The following NT5C3A variants were observed in gnomAD, a reference collection of about 807,000 sequenced individuals.
NT5C3A encodes 5'-nucleotidase, cytosolic IIIA.
Under a neutral mutation model 40.0 loss-of-function variants are expected in NT5C3A, and 23 were observed. That is an observed-to-expected ratio of 0.58 (90% confidence interval 0.41 to 0.81). NT5C3A has a LOEUF of 0.81. Among genes scored for constraint, NT5C3A ranks in the 40% least tolerant of loss-of-function variants. NT5C3A has a pLI of 0.00. For synonymous variants in NT5C3A, 130 were observed against 141.4 expected, an observed-to-expected ratio of 0.92 and a Z score of 0.57; for missense variants, 328 against 403.0, an observed-to-expected ratio of 0.81 and a Z score of 1.59.
At chr7:33,023,467 C>A (rs1251272237) in intron 3 of NT5C3A, among the ~76,000 whole-genome samples, 1 of 152,102 alleles carries the variant, frequency 6.6e-6, no homozygotes, top group Non-Finnish European at 1.5e-5. Flanking sequence ...TCATTTTGGT[C>A]AGGCTGGTCT....
intron 1 of NT5C3A, among the ~76,000 whole-genome samples, chr7:33,035,350 T>C (rs543322790): frequency 6.6e-6 from 1 of 152,068 alleles, no homozygotes. Flanking sequence ...CTTGTTACCA[T>C]GCCCGGCTAA....
At chr7:33,035,658 T>G (rs1290583622) in intron 1 of NT5C3A, among the ~76,000 whole-genome samples, 2 of 152,238 alleles carry the variant, frequency 1.3e-5, no homozygotes, top group African/African-American at 4.8e-5. Flanking sequence ...ACGATTTAAG[T>G]GTGTTATTGC....
intron 1 of NT5C3A, among the ~76,000 whole-genome samples, chr7:33,045,628 T>C (rs570997911): frequency 2.0e-5 from 3 of 151,614 alleles, no homozygotes; most frequent in Non-Finnish European, 4.4e-5. Flanking sequence ...CCTGGCTAAT[T>C]TTTGTATTTT....
intron 6 of NT5C3A, 113 bp from the exon 7 acceptor site, chr7:33,017,714 C>T (rs2127993680): frequency 1.2e-6 from 1 of 843,640 alleles, no homozygotes; most frequent in Non-Finnish European, 2.0e-6. Context: ...CTCATATTCT[C>T]ATTTCAATAT....
intron 1 of NT5C3A, among the ~76,000 whole-genome samples, chr7:33,047,758 A>G (rs1038670150): frequency 3.7e-4 from 57 of 152,226 alleles, no homozygotes; most frequent in African/African-American, 1.3e-3. Context: ...TTGCTCATCT[A>G]GATTCACTTT....
intron 3 of NT5C3A, chr7:33,023,830 C>T: frequency 1.8e-6 from 1 of 553,770 alleles, no homozygotes; most frequent in East Asian, 3.0e-5. Context: ...GTCTCTGATT[C>T]CCTTTGCTAC....
chr7:33,038,024 T>G (rs1360938441), intron 1 of NT5C3A, among the ~76,000 whole-genome samples: 1 of 152,134 alleles, frequency 6.6e-6, no homozygotes, highest in Non-Finnish European at 1.5e-5. Flanking sequence ...TGCATGCAAG[T>G]CTATTTCTTC....
At chr7:33,018,727 G>A (rs908670630) in intron 6 of NT5C3A, among the ~76,000 whole-genome samples, 7 of 151,954 alleles carry the variant, frequency 4.6e-5, no homozygotes, top group Admixed American at 1.3e-4. Context: ...GCGGGCGCCT[G>A]AAGTCCTGGC....
At chr7:33,035,189 G>GTTTTTTTTTTTTTTTTTTTTTTTTTTT (rs35769309) in intron 1 of NT5C3A, among the ~76,000 whole-genome samples, 1 of 106,204 alleles carries the variant, frequency 9.4e-6, no homozygotes, top group Non-Finnish European at 1.8e-5. Flanking sequence ...TAAGGAATGA[G>GTTTTTTTTTTTTTTTTTTTTTTTTTTT]TTTTTTTTTT....
intron 1 of NT5C3A, among the ~76,000 whole-genome samples, chr7:33,040,702 C>T (rs1433626347): frequency 2.0e-5 from 3 of 152,208 alleles, no homozygotes; most frequent in Non-Finnish European, 2.9e-5. Context: ...AAGTTTTGCA[C>T]ATTCATTTCT....
intron 8 of NT5C3A, among the ~76,000 whole-genome samples, 171 bp from the exon 9 acceptor site, chr7:33,015,002 C>G (rs1785246367): frequency 6.6e-6 from 1 of 152,188 alleles, no homozygotes; most frequent in Non-Finnish European, 1.5e-5. Flanking sequence ...CACTGACAGA[C>G]ATTTTTCCAC....
At chr7:33,021,686 T>A (rs1583902769) in intron 4 of NT5C3A, 2 of 404,772 alleles carry the variant, frequency 4.9e-6, no homozygotes, top group South Asian at 5.4e-5. Flanking sequence ...CACAGACACA[T>A]ACATACTCAA....
In NT5C3A at chr7:33,062,510, AG is replaced by A. The variant is rs1432286208; in HGVS notation, c.138+57del. Reference sequence around the variant, plus strand: ...CGGCCCAGCACAGGCTGCCGAGGCCAGCGGACGGCCCAGCCGGCCCCTCGCG... The same window carrying A: ...CGGCCCAGCACAGGCTGCCGAGGCCACGGACGGCCCAGCCGGCCCCTCGCG... On this transcript the variant is annotated intron_variant, in intron 1 of 8. Coordinates refer to ENST00000610140, the MANE Select transcript of NT5C3A (RefSeq NM_001002010.5). The A allele has an allele frequency of 2.7e-6, 4 of 1,503,208 alleles. No individual in the cohort carries two copies. The East Asian group carries it at 9.3e-5, about 35-fold the overall frequency. The allele number at this position is 1,503,208 out of a possible 1,614,324, so 93.1% of individuals were successfully genotyped here. A position where few individuals can be genotyped will look rare whatever the true frequency, so the allele number is the denominator to read the frequency against.
rs7809021 is a variant in NT5C3A at position 33,033,483 on chromosome 7, G to A, written c.139-6568C>T. ...TAAGTATAAGACAGTGTGTGAAGCC[G>A]CTCTGTAAGAGATATATAAAATATA... On this transcript the variant is annotated intron_variant, in intron 1 of 8. Coordinates refer to ENST00000610140, the MANE Select transcript of NT5C3A (RefSeq NM_001002010.5). Among the ~76,000 whole-genome samples the A allele has an allele frequency of 7.1e-3, 1,084 of 152,234 alleles. 11 individuals carry two copies. Among genetic ancestry groups the A allele is most frequent in the African/African-American group, 0.024 (1,015 of 41,536 alleles).
intron 1 of NT5C3A, among the ~76,000 whole-genome samples, chr7:33,034,758 G>T (rs1786489169): frequency 6.6e-6 from 1 of 152,152 alleles, no homozygotes; most frequent in Non-Finnish European, 1.5e-5. Flanking sequence ...ACAAAATGCT[G>T]TGTCACGCTC....
intron 1 of NT5C3A, among the ~76,000 whole-genome samples, chr7:33,044,725 T>C (rs914140973): frequency 2.0e-5 from 3 of 152,222 alleles, no homozygotes; most frequent in Admixed American, 6.5e-5. Context: ...GTTAAGAGCT[T>C]TTTAGATAGT....
chr7:33,024,092 T>A lies in NT5C3A; in HGVS notation c.254A>T (p.Asp85Val). 1 of 1,578,548 alleles carries A rather than the reference T, an allele frequency of 6.3e-7. No homozygotes were observed. The highest frequency in any genetic ancestry group is 1.1e-5 in the South Asian group (1 of 90,004). Residue 85 changes from aspartate (D) to valine (V), a missense_variant, in exon 3 of 9, where the codon GAT becomes GTT. By Grantham distance (152) the Asp-to-Val change is radical (BLOSUM62 -3). Around this residue, in one of 3 missense-constraint regions of NT5C3A, gnomAD observed 280 missense variants for 317.2 expected, o/e 0.88. Transcript: ENST00000610140. ...ATATGAAAATCTACTGAGTGTCATA[T>A]CAAAGTCCGTTATTATCTGTAAGAA... ...AAKLQIITDF[D>V]MTLSRFSYKG...
At chr7:33,060,545 C>T (rs1583978383) in intron 1 of NT5C3A, among the ~76,000 whole-genome samples, 1 of 152,118 alleles carries the variant, frequency 6.6e-6, no homozygotes, top group African/African-American at 2.4e-5. Flanking sequence ...CTAGCAACTT[C>T]CTCATGTCTC....
chr7:33,048,542 G>C (rs1429082505), intron 1 of NT5C3A, among the ~76,000 whole-genome samples: 1 of 152,106 alleles, frequency 6.6e-6, no homozygotes, highest in African/African-American at 2.4e-5. Context: ...GTGTACTAGA[G>C]GGGATTCAAA....
Sources: allele counts gnomAD v4.1 joint callset (sites outside exome capture counted in the v4.1 genomes callset), GRCh38; gene constraint gnomAD v4.1.1; regional missense constraint gnomAD v4.1.1; transcripts MANE v1.5; gene names NCBI Gene and HGNC (gene_info 2026-07-23, HGNC 2026-07-21).